TSPAN5: variants seen among roughly 807,000 people sequenced by gnomAD.
TSPAN5 encodes tetraspanin-5.
Under a neutral mutation model 37.1 loss-of-function variants are expected in TSPAN5, and 10 were observed. The ratio of observed to expected loss-of-function variants is 0.27; its 90% CI spans 0.17 to 0.46. The LOEUF is 0.46. TSPAN5 is among the 20% of genes least tolerant of loss of function. The pLI is 1.00. For missense variants in TSPAN5, 195 were observed against 326.6 expected (o/e 0.60, Z 3.11); for synonymous variants, 110 against 118.9 (o/e 0.93, Z 0.48).
intron 2 of TSPAN5, among the ~76,000 whole-genome samples, chr4:98,502,585 C>G (rs1243101005): frequency 2.0e-5 from 3 of 152,084 alleles, no homozygotes; most frequent in Non-Finnish European, 4.4e-5. Context: ...GCTTCAGGAC[C>G]CAGCATGGGT....
rs1753507318 is a variant in TSPAN5 at position 98,507,626 on chromosome 4, T to C, written c.132+52A>G. The C allele has an allele frequency of 8.1e-6, 11 of 1,357,066 alleles. No homozygotes were observed. The Admixed American group carries it at 1.5e-4, about 19-fold the overall frequency. 84.1% of individuals were successfully genotyped at this position (1,357,066 alleles called of 1,614,324 possible). ...GAAAGGGGGATAATACATAATATGA[T>C]GTGCAGCCTCTAACAACCACGATGT... On this transcript the variant is annotated intron_variant, in intron 2 of 7. Transcript: ENST00000305798.
At chr4:98,613,007 A>C (rs1756236375) in intron 1 of TSPAN5, among the ~76,000 whole-genome samples, 1 of 152,076 alleles carries the variant, frequency 6.6e-6, no homozygotes, top group African/African-American at 2.4e-5. Context: ...AGTGTTTATC[A>C]TCTGGCTTCC....
At chr4:98,480,803 G>T (rs1185418921) in intron 4 of TSPAN5, among the ~76,000 whole-genome samples, 2 of 152,138 alleles carry the variant, frequency 1.3e-5, no homozygotes, top group Non-Finnish European at 2.9e-5. Context: ...TAATAAAACA[G>T]TGAAGTCGGC....
intron 1 of TSPAN5, among the ~76,000 whole-genome samples, chr4:98,634,449 T>C (rs1444801870): frequency 6.6e-6 from 1 of 150,744 alleles, no homozygotes; most frequent in African/African-American, 2.4e-5. Flanking sequence ...TTTCAAATAC[T>C]GTCAATTGAC....
In TSPAN5 at chr4:98,478,673, G is replaced by A. The variant is rs886956681; in HGVS notation, c.576+12C>T. The stretch of plus-strand genomic sequence containing the variant: ...TACAGAGTAGGCCAATAGTTCGCTG[G>A]CATTCACTTACTGCGGGATCTTTAG... On this transcript the variant is annotated intron_variant, in intron 5 of 7. Transcript: ENST00000305798. 3 of 1,613,986 alleles carry A rather than the reference G, an allele frequency of 1.9e-6. No homozygotes were observed. The highest frequency in any genetic ancestry group is 1.6e-4 in the Middle Eastern group (1 of 6,082).
At chr4:98,560,434 G>A (rs1221581918) in intron 1 of TSPAN5, among the ~76,000 whole-genome samples, 5 of 152,090 alleles carry the variant, frequency 3.3e-5, no homozygotes, top group African/African-American at 1.2e-4. Context: ...ATATTTAATT[G>A]CTTCTAAATG....
At chr4:98,504,323 C>T (rs1753424404) in intron 2 of TSPAN5, among the ~76,000 whole-genome samples, 1 of 152,168 alleles carries the variant, frequency 6.6e-6, no homozygotes, top group Non-Finnish European at 1.5e-5. Flanking sequence ...ACCACACTGT[C>T]TACCAGGCTG....
intron 7 of TSPAN5, among the ~76,000 whole-genome samples, chr4:98,473,484 G>A (rs1418724634): frequency 3.6e-5 from 5 of 138,970 alleles, no homozygotes; most frequent in African/African-American, 1.1e-4. Context: ...ACGGAGTCTC[G>A]CTCTGTCGCC....
chr4:98,539,833 C>T (rs904956338), intron 1 of TSPAN5, among the ~76,000 whole-genome samples: 2 of 151,978 alleles, frequency 1.3e-5, no homozygotes, highest in Admixed American at 1.3e-4. Context: ...CTAAGATCAG[C>T]GTAGAAAAGA....
chr4:98,536,259 C>T (rs894632439), intron 1 of TSPAN5, among the ~76,000 whole-genome samples: 1 of 152,174 alleles, frequency 6.6e-6, no homozygotes, highest in Admixed American at 6.5e-5. Context: ...TTCCTTTTGG[C>T]AGTCAGGCCC....
At chr4:98,484,742 A>G in intron 3 of TSPAN5, 1 of 362,156 alleles carries the variant, frequency 2.8e-6, no homozygotes, top group South Asian at 2.2e-5. Flanking sequence ...AAGGTGGATC[A>G]CTTGAGGTCC....
chr4:98,621,295 C>T (rs1402481036), intron 1 of TSPAN5, among the ~76,000 whole-genome samples: 2 of 151,520 alleles, frequency 1.3e-5, no homozygotes, highest in Non-Finnish European at 2.9e-5. Flanking sequence ...TGGGGCAATA[C>T]ATTTCTGTAG....
chr4:98,536,890 T>G (rs1461626456), intron 1 of TSPAN5, among the ~76,000 whole-genome samples: 1 of 152,210 alleles, frequency 6.6e-6, no homozygotes, highest in Non-Finnish European at 1.5e-5. Context: ...GCTGCCGTGC[T>G]GGCAGCGAGG....
intron 1 of TSPAN5, among the ~76,000 whole-genome samples, chr4:98,645,814 G>T (rs1757055219): frequency 6.6e-6 from 1 of 152,120 alleles, no homozygotes; most frequent in South Asian, 2.1e-4. Flanking sequence ...GGTGTTTCTG[G>T]TAAGCTAGAG....
intron 1 of TSPAN5, among the ~76,000 whole-genome samples, chr4:98,567,450 A>G (rs1173776442): frequency 6.6e-6 from 1 of 152,280 alleles, no homozygotes; most frequent in Non-Finnish European, 1.5e-5. Context: ...ATAACTGATT[A>G]CTGAAGAAAC....
At chr4:98,530,650 G>T (rs1303035646) in intron 1 of TSPAN5, among the ~76,000 whole-genome samples, 1 of 152,168 alleles carries the variant, frequency 6.6e-6, no homozygotes, top group Non-Finnish European at 1.5e-5. Context: ...AGGTTGTCTA[G>T]TCTAGTTTTT....
At chr4:98,560,993 G>A (rs1337174474) in intron 1 of TSPAN5, among the ~76,000 whole-genome samples, 1 of 152,226 alleles carries the variant, frequency 6.6e-6, no homozygotes, top group Non-Finnish European at 1.5e-5. Context: ...ATGTGGCCGA[G>A]TTTGGTAGCT....
chr4:98,550,317 G>A (rs1754581905), intron 1 of TSPAN5, among the ~76,000 whole-genome samples: 1 of 152,156 alleles, frequency 6.6e-6, no homozygotes. Flanking sequence ...CAGGTAACGT[G>A]ACGCCTCTAG....
At chr4:98,529,316 CTT>C (rs1754029013) in intron 1 of TSPAN5, among the ~76,000 whole-genome samples, 1 of 152,242 alleles carries the variant, frequency 6.6e-6, no homozygotes, top group Non-Finnish European at 1.5e-5. Flanking sequence ...AAATTAGAGA[CTT>C]TTCTTTCCAG....
Sources: gnomAD v4.1 joint callset for allele counts (sites outside exome capture counted in the v4.1 genomes callset) on GRCh38, gnomAD v4.1.1 for gene constraint, MANE v1.5 for transcripts, NCBI Gene and HGNC (gene_info 2026-07-23, HGNC 2026-07-21) for gene names.